ASPH: variants seen among roughly 807,000 people sequenced by gnomAD.
ASPH encodes aspartate beta-hydroxylase, also known as aspartyl/asparaginyl beta-hydroxylase.
ASPH carries 100 observed loss-of-function variants against 118.4 expected under a neutral mutation model. That is an observed-to-expected ratio of 0.84 (90% CI 0.72 to 1.00). ASPH has a LOEUF of 1.00. Ranked by LOEUF, ASPH falls within the 50% of genes least tolerant of loss-of-function variation. The probability of loss-of-function intolerance (pLI) is 0.00; values close to 1 mark genes in which losing one functional copy is unlikely to be tolerated. For synonymous variants in ASPH, 315 were observed against 325.6 expected (o/e 0.97, Z 0.35); for missense variants, 920 against 919.5 (o/e 1.00, Z -0.01).
chr8:61,702,567 T>A (rs961952097), intron 1 of ASPH, among the ~76,000 whole-genome samples: 1 of 152,134 alleles, frequency 6.6e-6, no homozygotes, highest in African/African-American at 2.4e-5. Context: ...ATTACAGGCA[T>A]GACCCACCGC....
At chr8:61,681,170 T>TAAAAGA in intron 2 of ASPH, 134 bp from the exon 3 acceptor site, 1 of 599,410 alleles carries the variant, frequency 1.7e-6, no homozygotes, top group Non-Finnish European at 2.7e-6. Flanking sequence ...CTTTTAATCC[T>TAAAAGA]GCAAAGCAGT....
chr8:61,696,011 G>A (rs1018602004), intron 1 of ASPH, among the ~76,000 whole-genome samples: 2 of 152,194 alleles, frequency 1.3e-5, no homozygotes, highest in African/African-American at 2.4e-5. Flanking sequence ...AAGCAGCCCA[G>A]TGGTTTCTAG....
intron 3 of ASPH, chr8:61,658,722 G>GT (rs1349752330): frequency 6.6e-6 from 1 of 152,076 alleles, no homozygotes; most frequent in Non-Finnish European, 1.5e-5. Context: ...CCAGTCACAG[G>GT]TAACTTCCAA....
intron 21 of ASPH, among the ~76,000 whole-genome samples, chr8:61,545,545 TG>T (rs1455337497): frequency 6.6e-6 from 1 of 151,986 alleles, no homozygotes; most frequent in African/African-American, 2.4e-5. Context: ...ATAGAAAGAG[TG>T]AGAAGTCCAT....
intron 14 of ASPH, among the ~76,000 whole-genome samples, chr8:61,587,934 C>A (rs138851622): frequency 6.6e-6 from 1 of 152,116 alleles, no homozygotes; most frequent in Admixed American, 6.6e-5. Flanking sequence ...GAACTCTCTC[C>A]AGCACTCTGG....
In ASPH at chr8:61,651,063, T is replaced by C; in HGVS notation, c.477A>G (p.Val159=). 6.2e-7 allele frequency: 1 copy of C among 1,613,600 alleles called. No homozygotes were observed. The highest frequency in any genetic ancestry group is 8.5e-7 in the Non-Finnish European group (1 of 1,179,708). ...TTTAATTCATACCATGTTCTGCGTG[T>C]ACCATTTCATGGAGAAGGGACTGAA... ...EQIQSLLHEM[V]HAEHVEGEDL... is the part of the protein sequence containing the mutation. Residue 159 remains valine (V), a synonymous_variant, in exon 5 of 25, where the codon GTA becomes GTG. Coordinates refer to ENST00000379454, the MANE Select transcript of ASPH (RefSeq NM_004318.4).
At chr8:61,582,738 C>T (rs956949492) in intron 15 of ASPH, among the ~76,000 whole-genome samples, 1 of 152,182 alleles carries the variant, frequency 6.6e-6, no homozygotes. Flanking sequence ...TAGTTCCTAA[C>T]CAGTGTTTTT....
intron 21 of ASPH, among the ~76,000 whole-genome samples, chr8:61,528,346 A>T (rs1206737535): frequency 1.3e-5 from 2 of 152,212 alleles, no homozygotes; most frequent in Admixed American, 1.3e-4. Flanking sequence ...ACATCTTCCC[A>T]AATGCACCTC....
intron 3 of ASPH, chr8:61,664,642 C>G (rs975031076): frequency 2.7e-5 from 27 of 985,450 alleles, no homozygotes; most frequent in Non-Finnish European, 3.3e-5. Context: ...GAGTAAAAGA[C>G]TTGGGGAGGG....
In ASPH at chr8:61,520,457, C is replaced by T. The variant is rs192512306; in HGVS notation, c.1901-2334G>A. The stretch of plus-strand genomic sequence containing the variant: ...AGAATAAAATAAGAGTTACAAAAAA[C>T]GCAACTAAAAGGTATTCACCCCAAT... On this transcript the variant is annotated intron_variant, in intron 22 of 24. Coordinates refer to ENST00000379454, the MANE Select transcript of ASPH (RefSeq NM_004318.4). Among the ~76,000 whole-genome samples, 8 of 152,250 alleles carry T rather than the reference C, an allele frequency of 5.3e-5. No individual in the cohort carries two copies. The East Asian group carries it at 5.8e-4, about 11-fold the overall frequency.
chr8:61,652,491 G>A (rs1286674518), intron 4 of ASPH, among the ~76,000 whole-genome samples: 1 of 152,148 alleles, frequency 6.6e-6, no homozygotes, highest in Admixed American at 6.5e-5. Context: ...CTCCTCTGGA[G>A]GGGATTGGAA....
chr8:61,670,345 G>A (rs1004227718), intron 3 of ASPH, among the ~76,000 whole-genome samples: 6 of 150,974 alleles, frequency 4.0e-5, no homozygotes, highest in African/African-American at 1.5e-4. Context: ...TAGGAAGGAA[G>A]ACATGAACAA....
In ASPH at chr8:61,554,201, G is replaced by A. The variant is rs186529243; in HGVS notation, c.1537-1081C>T. The stretch of plus-strand genomic sequence containing the variant: ...GCAGGAAATATGAAGTGCTTGACAG[G>A]GGTCCAGGGACAGCCCCATCCCAAG... On this transcript the variant is annotated intron_variant, in intron 19 of 24. Coordinates refer to ENST00000379454, the MANE Select transcript of ASPH (RefSeq NM_004318.4). Among the ~76,000 whole-genome samples the A allele has an allele frequency of 1.2e-3, 179 of 152,330 alleles. 1 individual carries two copies. The highest frequency in any genetic ancestry group is 1.4e-3 in the African/African-American group (57 of 41,578).
At chr8:61,559,161 G>C (rs889397161) in intron 18 of ASPH, among the ~76,000 whole-genome samples, 1 of 152,178 alleles carries the variant, frequency 6.6e-6, no homozygotes, top group Non-Finnish European at 1.5e-5. Context: ...CAGCCCCTCA[G>C]ACATTTATCC....
intron 21 of ASPH, among the ~76,000 whole-genome samples, chr8:61,535,023 GTCTC>G (rs1818968777): frequency 6.6e-6 from 1 of 152,180 alleles, no homozygotes; most frequent in African/African-American, 2.4e-5. Flanking sequence ...CATCCTGGGT[GTCTC>G]TCTTTGTTTC....
chr8:61,508,203 A>T (rs1807386502), intron 24 of ASPH, among the ~76,000 whole-genome samples: 1 of 152,006 alleles, frequency 6.6e-6, no homozygotes, highest in African/African-American at 2.4e-5. Flanking sequence ...TTTTGTAGAG[A>T]TGGGGTTTCC....
Position 61,604,289 on chromosome 8 carries a change from G to A in ASPH, c.976+14689C>T, listed in dbSNP as rs139741753. Among the ~76,000 whole-genome samples the A allele has an allele frequency of 3.8e-3, 586 of 152,210 alleles. 2 individuals carry two copies. Among genetic ancestry groups the A allele is most frequent in the African/African-American group, 0.013 (539 of 41,526 alleles). On this transcript the variant is annotated intron_variant, in intron 14 of 24. Transcript: ENST00000379454. ...TACAAGCCTGAGATGTCACAGGGCCGAGGCAATGGTAGTACAGAAAGAGAG... is the reference window on the plus strand; with the variant it reads ...TACAAGCCTGAGATGTCACAGGGCCAAGGCAATGGTAGTACAGAAAGAGAG...
intron 3 of ASPH, chr8:61,661,954 T>A: frequency 3.1e-5 from 13 of 423,804 alleles, no homozygotes; most frequent in South Asian, 5.8e-5. Flanking sequence ...AAGACTTGTT[T>A]AAAAAAAAAA....
chr8:61,654,497 C>A (rs1327092968), intron 3 of ASPH, among the ~76,000 whole-genome samples: 1 of 152,092 alleles, frequency 6.6e-6, no homozygotes, highest in African/African-American at 2.4e-5. Context: ...GGACAGCCTG[C>A]GGCAGGAAGG....
Sources: gnomAD v4.1 joint callset for allele counts (sites outside exome capture counted in the v4.1 genomes callset) on GRCh38, gnomAD v4.1.1 for gene constraint, MANE v1.5 for transcripts, NCBI Gene and HGNC (gene_info 2026-07-23, HGNC 2026-07-21) for gene names.